The following MAP7D3 variants were observed in gnomAD, a reference collection of about 807,000 sequenced individuals.
MAP7D3 encodes the protein MAP7 domain containing 3.
Under a neutral mutation model 62.2 loss-of-function variants are expected in MAP7D3, and 45 were observed. The ratio of observed to expected loss-of-function variants is 0.72; its 90% CI spans 0.57 to 0.93. The LOEUF is 0.93. Ranked by LOEUF, MAP7D3 falls within the 40% of genes least tolerant of loss-of-function variation. The pLI, the probability that MAP7D3 is intolerant of heterozygous loss-of-function variation, is 0.00. For missense variants in MAP7D3, 711 were observed against 683.1 expected, an observed-to-expected ratio of 1.04 and a Z score of -0.45; for synonymous variants, 288 against 248.8, an observed-to-expected ratio of 1.16 and a Z score of -1.48.
upstream of MAP7D3, among the ~76,000 whole-genome samples, chrX:136,252,072 T>C (rs1212087631): frequency 1.8e-5 from 2 of 112,349 alleles, no homozygotes; most frequent in African/African-American, 3.2e-5. Flanking sequence ...AAAACCGTCA[T>C]TGGCCTGAGG....
At chrX:136,229,752 G>A (rs1036643225) in intron 10 of MAP7D3, among the ~76,000 whole-genome samples, 1 of 105,779 alleles carries the variant, frequency 9.5e-6, no homozygotes, top group Admixed American at 1.0e-4. Flanking sequence ...CCAGACTAGA[G>A]TGTAAAGGCA....
rs200271500 is a variant in MAP7D3 at position 136,231,776 on chromosome X, G to A, written c.1181C>T (p.Pro394Leu). Residue 394 changes from proline (P) to leucine (L), a missense_variant, in exon 8 of 19, where the codon CCG becomes CTG. By Grantham distance (98) the Pro-to-Leu change is moderately conservative. Transcript: ENST00000316077. ...ASPEASLEAP[P>L]EVSLEALPEV... The stretch of plus-strand genomic sequence containing the variant: ...TGGCAGTGCTTCCAGACTCACTTCC[G>A]GGGGTGCTTCCAGGCTCGCCTCCGG... 59 of 1,209,730 alleles carry A rather than the reference G, an allele frequency of 4.9e-5. 1 individual carries two copies. Among genetic ancestry groups the A allele is most frequent in the South Asian group, 1.1e-4 (6 of 56,793 alleles).
In MAP7D3 at chrX:136,251,391, C is replaced by T. The variant is rs2074509973; in HGVS notation, c.-33G>A. The T allele has an allele frequency of 9.3e-7, 1 of 1,074,111 alleles. No individual in the cohort carries two copies. Among genetic ancestry groups the T allele is most frequent in the Non-Finnish European group, 1.2e-6 (1 of 830,697 alleles). The allele number at this position is 1,074,111 out of a possible 1,213,427, so 88.5% of individuals were successfully genotyped here. A position where few individuals can be genotyped will look rare whatever the true frequency, so the allele number is the denominator to read the frequency against. On this transcript the variant is annotated 5_prime_UTR_variant, in exon 1 of 19. Transcript: ENST00000316077. ...GGGACCGGAGGCGGTGGTGGCTCTC[C>T]GCATACATTGCGCAGGCGTCGGCGC... is the stretch of plus-strand genomic sequence containing the variant.
chrX:136,241,465 T>A (rs528142905), intron 4 of MAP7D3, among the ~76,000 whole-genome samples, 188 bp from the exon 5 acceptor site: 2 of 112,160 alleles, frequency 1.8e-5, no homozygotes, highest in African/African-American at 3.2e-5. Context: ...TTTTATCTTA[T>A]GGACCTTGCA....
intron 7 of MAP7D3, among the ~76,000 whole-genome samples, chrX:136,235,187 C>T (rs1292165734): frequency 8.9e-6 from 1 of 112,515 alleles, no homozygotes; most frequent in African/African-American, 3.2e-5. Context: ...TACAGATAGA[C>T]AGCACTGAAA....
chrX:136,256,269 T>C (rs1369762967), upstream of MAP7D3: 2 of 1,152,512 alleles, frequency 1.7e-6, no homozygotes, highest in Admixed American at 5.2e-5. Flanking sequence ...TTTTCCCACA[T>C]CTGCGCTTTC....
chrX:136,216,398 G>A (rs1384259880), downstream of MAP7D3, among the ~76,000 whole-genome samples: 10 of 76,569 alleles, frequency 1.3e-4, no homozygotes, highest in African/African-American at 2.4e-4. Context: ...AAGAGAAGAA[G>A]AAAGAAGAAG....
At chrX:136,231,025 GCT>G in intron 8 of MAP7D3, 59 bp from the exon 9 acceptor site, 1 of 869,806 alleles carries the variant, frequency 1.1e-6, no homozygotes, top group Non-Finnish European at 1.5e-6. Flanking sequence ...ACTGCAGCTG[GCT>G]TTTTTTTTTT....
At position 136,246,134 on chromosome X, in the gene MAP7D3, T is replaced by A. The variant is rs754689236; in HGVS notation, c.184A>T (p.Met62Leu). Residue 62 changes from methionine to leucine, a missense_variant, in exon 3 of 19, where the codon ATG (methionine) becomes TTG (leucine). Physicochemically the swap from Met to Leu is conservative, Grantham distance 15. Transcript: ENST00000316077. Reference protein sequence around the residue: ...STFKPVIDGSMLKNDIKQRLA... With the variant: ...STFKPVIDGSLLKNDIKQRLA... ...CTTTGTTTTATGTCATTTTTAAGCA[T>A]GGATCCATCGATTACTAAAAAAAAA... The A allele has an allele frequency of 8.4e-7, 1 of 1,192,290 alleles. No individual in the cohort carries two copies.
At position 136,231,649 on chromosome X, in the gene MAP7D3, C is replaced by CT. The variant is rs755898770; in HGVS notation, c.1307dup (p.Ser437GlufsTer7). On this transcript the variant is annotated frameshift_variant, in exon 8 of 19. Transcript: ENST00000316077. LOFTEE classifies it high-confidence loss of function. The stretch of plus-strand genomic sequence containing the variant: ...TCGCCTCAGGAGATGCCTCCATGCT[C>CT]TCCTTGGGTGACCCTTTCACACTCT... The CT allele has an allele frequency of 9.1e-6, 11 of 1,205,757 alleles. No individual in the cohort carries two copies. Among genetic ancestry groups the CT allele is most frequent in the Non-Finnish European group, 1.2e-5 (11 of 890,671 alleles).
intron 1 of MAP7D3, among the ~76,000 whole-genome samples, chrX:136,250,150 T>C (rs773390336): frequency 8.9e-6 from 1 of 111,993 alleles, no homozygotes; most frequent in South Asian, 3.7e-4. Context: ...TTCTCCCTAA[T>C]GAATGGTGAA....
chrX:136,243,576 G>A (rs1350394574), intron 4 of MAP7D3, among the ~76,000 whole-genome samples: 4 of 110,870 alleles, frequency 3.6e-5, no homozygotes, highest in African/African-American at 1.3e-4. Flanking sequence ...GGCGGTAGGC[G>A]CCTGCAATCC....
intron 6 of MAP7D3, among the ~76,000 whole-genome samples, chrX:136,236,684 T>C (rs909909271): frequency 8.9e-6 from 1 of 112,221 alleles, no homozygotes; most frequent in Non-Finnish European, 1.9e-5. Flanking sequence ...TATATGCATA[T>C]ATTTAAAAAA....
Position 136,246,313 on chromosome X carries a change from T to G in MAP7D3, c.99A>C (p.Glu33Asp). 4 of 1,200,745 alleles carry G rather than the reference T, an allele frequency of 3.3e-6. No individual in the cohort carries two copies. ...MVAAANEIAK[E>D]RRKQDVVNRV... The stretch of plus-strand genomic sequence containing the variant: ...GATTAACCACATCTTGCTTCCTCCT[T>G]TCCTTAGCAATCTCGTTTGCTGCAG... Residue 33 changes from glutamate to aspartate, a missense_variant, in exon 2 of 19, where the codon GAA becomes GAC. Coordinates refer to ENST00000316077, the MANE Select transcript of MAP7D3 (RefSeq NM_024597.4).
At chrX:136,230,792 G>T (rs1010864701) in intron 9 of MAP7D3, 47 bp downstream of exon 9, 20 of 1,163,758 alleles carry the variant, frequency 1.7e-5, no homozygotes, top group Admixed American at 2.4e-5. Context: ...CATGGAATTT[G>T]TTCTAGTAAA....
chrX:136,254,327 C>T (rs2074539526), upstream of MAP7D3, among the ~76,000 whole-genome samples: 1 of 110,792 alleles, frequency 9.0e-6, no homozygotes, highest in Non-Finnish European at 1.9e-5. Context: ...TCAAGTGATT[C>T]ACCCTCCTTG....
At chrX:136,237,440 T>G (rs1268102064) in intron 6 of MAP7D3, among the ~76,000 whole-genome samples, 1 of 112,508 alleles carries the variant, frequency 8.9e-6, no homozygotes, top group Admixed American at 9.4e-5. Context: ...GAACTTCATC[T>G]GAGTTTAAAA....
intron 7 of MAP7D3, among the ~76,000 whole-genome samples, chrX:136,235,183 TAGAC>T (rs1239207027): frequency 6.2e-5 from 7 of 112,590 alleles, no homozygotes; most frequent in Non-Finnish European, 1.3e-4. Context: ...TTCCTACAGA[TAGAC>T]AGCACTGAAA....
At chrX:136,229,961 GTGTATATATA>G (rs1408172770) in intron 10 of MAP7D3, among the ~76,000 whole-genome samples, 6 of 65,395 alleles carry the variant, frequency 9.2e-5, no homozygotes, top group East Asian at 9.0e-4. Flanking sequence ...TTTTTTGTGT[GTGTATATATA>G]TATATATATA....
Sources: allele counts gnomAD v4.1 joint callset (sites outside exome capture counted in the v4.1 genomes callset), GRCh38; gene constraint gnomAD v4.1.1; transcripts MANE v1.5; gene names NCBI Gene and HGNC (gene_info 2026-07-23, HGNC 2026-07-21).